Variants in MALRD1 observed in about 807,000 individuals in gnomAD.
The protein encoded by MALRD1 is MAM and LDL receptor class A domain containing 1.
In MALRD1, 247 loss-of-function variants were observed where a neutral mutation model predicts 242.1. The ratio of observed to expected loss-of-function variants is 1.02; its 90% CI spans 0.92 to 1.13. The LOEUF is 1.13. Among genes scored for constraint, MALRD1 ranks in the 50% most tolerant of loss-of-function variants. The probability of loss-of-function intolerance (pLI) is 0.00; values close to 1 mark genes in which losing one functional copy is unlikely to be tolerated. For missense variants in MALRD1, 2,989 were observed against 2,533.1 expected (o/e 1.18, Z -3.86); for synonymous variants, 995 against 866.6 (o/e 1.15, Z -2.60).
chr10:19,285,358 T>G lies in MALRD1; in HGVS notation c.3419+2177T>G, dbSNP rs928839483. On this transcript the variant is annotated intron_variant, in intron 21 of 39. Coordinates refer to ENST00000454679, the MANE Select transcript of MALRD1 (RefSeq NM_001142308.3). ...TATATCCTGAATGGTAATGCCTAGG[T>G]TTTCTTCTAGGGTTTTTATGGTTTT... Among the ~76,000 whole-genome samples, 262 of 142,900 alleles carry G rather than the reference T, an allele frequency of 1.8e-3. 4 individuals carry two copies. The highest frequency in any genetic ancestry group is 6.8e-3 in the African/African-American group (257 of 37,654). The allele number at this position is 142,900 out of a possible 152,430, so 93.7% of individuals were successfully genotyped here.
intron 19 of MALRD1, among the ~76,000 whole-genome samples, chr10:19,273,729 G>A (rs866963917): frequency 2.0e-5 from 3 of 152,158 alleles, no homozygotes; most frequent in South Asian, 2.1e-4. Flanking sequence ...TTAGGGGAGA[G>A]GGTAGGATGC....
chr10:19,538,486 G>C (rs187888103), intron 32 of MALRD1, among the ~76,000 whole-genome samples: 41 of 152,084 alleles, frequency 2.7e-4, no homozygotes, highest in Admixed American at 2.5e-3. Context: ...AAATGATGGT[G>C]GTCACTTTTT....
At chr10:19,257,546 T>C in intron 18 of MALRD1, 138 bp from the exon 19 acceptor site, 1 of 602,636 alleles carries the variant, frequency 1.7e-6, no homozygotes. Context: ...TTCTGGAGAC[T>C]ACTGCAAAGC....
At chr10:19,587,701 C>G (rs192512194) in intron 33 of MALRD1, among the ~76,000 whole-genome samples, 34 of 152,202 alleles carry the variant, frequency 2.2e-4, no homozygotes, top group Admixed American at 1.0e-3. Flanking sequence ...ATATCAGGAA[C>G]TGGAACTGTC....
intron 33 of MALRD1, among the ~76,000 whole-genome samples, chr10:19,587,799 G>C (rs1395590776): frequency 6.6e-6 from 1 of 151,920 alleles, no homozygotes; most frequent in East Asian, 1.9e-4. Context: ...CCAGGAATTG[G>C]AACTGTCTGC....
At chr10:19,307,029 C>T (rs983022307) in intron 21 of MALRD1, among the ~76,000 whole-genome samples, 9 of 151,414 alleles carry the variant, frequency 5.9e-5, no homozygotes. Flanking sequence ...TCAAATCATG[C>T]TGAACAGAGG....
chr10:19,353,274 T>C (rs1844478874), intron 26 of MALRD1, among the ~76,000 whole-genome samples: 1 of 152,160 alleles, frequency 6.6e-6, no homozygotes, highest in Non-Finnish European at 1.5e-5. Context: ...CCCGAAGTAC[T>C]GGGATTATAG....
In MALRD1 at chr10:19,194,833, A is replaced by G. The variant is rs180804604; in HGVS notation, c.1952-8895A>G. Among the ~76,000 whole-genome samples, 422 of 152,306 alleles carry G rather than the reference A, an allele frequency of 2.8e-3. 3 individuals are homozygous for G. Among genetic ancestry groups the G allele is most frequent in the African/African-American group, 9.7e-3 (404 of 41,568 alleles). ...TTTTCCCCTGTAATCAGGACCCACA[A>G]GGGCCTTATATTGTTACATCTAAAA... is the stretch of plus-strand genomic sequence containing the variant. On this transcript the variant is annotated intron_variant, in intron 14 of 39. Coordinates refer to ENST00000454679, the MANE Select transcript of MALRD1 (RefSeq NM_001142308.3).
intron 28 of MALRD1, among the ~76,000 whole-genome samples, chr10:19,433,667 T>C (rs1180897285): frequency 1.3e-5 from 2 of 152,024 alleles, no homozygotes; most frequent in African/African-American, 4.8e-5. Flanking sequence ...CTTCCAATCA[T>C]GAGCATAGCA....
intron 24 of MALRD1, among the ~76,000 whole-genome samples, chr10:19,343,440 A>T (rs1280615165): frequency 2.0e-5 from 3 of 152,140 alleles, no homozygotes; most frequent in Admixed American, 6.6e-5. Context: ...CATTGCCACA[A>T]TCAAGATACT....
chr10:19,195,102 T>C (rs972957871), intron 14 of MALRD1, among the ~76,000 whole-genome samples: 1 of 152,224 alleles, frequency 6.6e-6, no homozygotes, highest in African/African-American at 2.4e-5. Flanking sequence ...CCCCACTGCC[T>C]GTTAGCCAAC....
intron 26 of MALRD1, among the ~76,000 whole-genome samples, chr10:19,376,554 T>C (rs911263613): frequency 7.0e-6 from 1 of 141,950 alleles, no homozygotes; most frequent in African/African-American, 2.6e-5. Context: ...TTTTTTTTTT[T>C]TTTTTTTTTT....
intron 24 of MALRD1, among the ~76,000 whole-genome samples, chr10:19,341,472 GTA>G (rs1334571507): frequency 3.7e-5 from 3 of 81,016 alleles, no homozygotes; most frequent in South Asian, 3.5e-4. Context: ...ATGTATATAT[GTA>G]TATATATGTG....
intron 33 of MALRD1, among the ~76,000 whole-genome samples, chr10:19,593,893 C>G (rs1416462304): frequency 6.6e-6 from 1 of 152,152 alleles, no homozygotes; most frequent in Non-Finnish European, 1.5e-5. Context: ...TTCAGGATTC[C>G]TAATGCAACG....
At chr10:19,528,201 C>T (rs1463174590) in intron 31 of MALRD1, among the ~76,000 whole-genome samples, 1 of 152,056 alleles carries the variant, frequency 6.6e-6, no homozygotes, top group African/African-American at 2.4e-5. Context: ...AACAGCTTAC[C>T]AATGCTACAG....
chr10:19,115,365 C>G lies in MALRD1; in HGVS notation c.695-8127C>G, dbSNP rs190036142. ...TGACCAAATAATCTGTATAACAGAC[C>G]CCCATGACACGAATTTACCTATATA... is the stretch of plus-strand genomic sequence containing the variant. On this transcript the variant is annotated intron_variant, in intron 5 of 39. Coordinates refer to ENST00000454679, the MANE Select transcript of MALRD1 (RefSeq NM_001142308.3). Among the ~76,000 whole-genome samples the G allele has an allele frequency of 5.2e-3, 784 of 152,064 alleles. 9 individuals carry two copies. The highest frequency in any genetic ancestry group is 0.018 in the African/African-American group (757 of 41,492).
chr10:19,401,444 T>C (rs1564308842), intron 28 of MALRD1, among the ~76,000 whole-genome samples: 1 of 152,136 alleles, frequency 6.6e-6, no homozygotes, highest in Non-Finnish European at 1.5e-5. Context: ...TAGGAAGTAA[T>C]CGAATTGAAA....
chr10:19,732,421 C>G (rs937101209), intron 39 of MALRD1, among the ~76,000 whole-genome samples: 1 of 152,072 alleles, frequency 6.6e-6, no homozygotes, highest in Non-Finnish European at 1.5e-5. Context: ...TGCCACCATG[C>G]CCAGCTAATT....
intron 4 of MALRD1, among the ~76,000 whole-genome samples, chr10:19,102,078 ATG>A (rs1836285159): frequency 7.4e-6 from 1 of 135,122 alleles, no homozygotes; most frequent in Admixed American, 7.9e-5. Context: ...TAACATATAT[ATG>A]GTATAACATA....
Sources: allele counts gnomAD v4.1 joint callset (sites outside exome capture counted in the v4.1 genomes callset), GRCh38; gene constraint gnomAD v4.1.1; transcripts MANE v1.5; gene names NCBI Gene and HGNC (gene_info 2026-07-23, HGNC 2026-07-21).